Variants in PCDH15 observed in about 807,000 individuals in gnomAD.
The protein encoded by PCDH15 is protocadherin related 15.
Under a neutral mutation model 178.5 loss-of-function variants are expected in PCDH15, and 129 were observed. The observed-to-expected ratio is 0.72, with a 90% CI of 0.63 to 0.84. The LOEUF (loss-of-function observed/expected upper bound fraction) is 0.84, where lower values mean the gene tolerates loss of function less well. PCDH15 is among the 40% of genes least tolerant of loss of function. The probability of loss-of-function intolerance (pLI) is 0.00; values close to 1 mark genes in which losing one functional copy is unlikely to be tolerated. For synonymous variants in PCDH15, 800 were observed against 732.0 expected, an observed-to-expected ratio of 1.09 and a Z score of -1.50; for missense variants, 2,230 against 2,099.9, an observed-to-expected ratio of 1.06 and a Z score of -1.21.
At chr10:55,103,260 TTC>T (rs1440307856) in intron 2 of PCDH15, among the ~76,000 whole-genome samples, 1 of 152,130 alleles carries the variant, frequency 6.6e-6, no homozygotes, top group Non-Finnish European at 1.5e-5. Flanking sequence ...ATTGGAACAC[TTC>T]TGCCATTGTC....
At chr10:54,921,811 T>C (rs1273999059) in intron 2 of PCDH15, among the ~76,000 whole-genome samples, 1 of 152,182 alleles carries the variant, frequency 6.6e-6, no homozygotes, top group Non-Finnish European at 1.5e-5. Flanking sequence ...TTTTAGTTGA[T>C]GCAAAGTTCC....
chr10:54,353,908 TA>T (rs1406530809), intron 5 of PCDH15, among the ~76,000 whole-genome samples: 1 of 152,214 alleles, frequency 6.6e-6, no homozygotes, highest in Non-Finnish European at 1.5e-5. Flanking sequence ...GAATGATAAA[TA>T]ACTCTATCTT....
At chr10:54,700,141 T>G (rs1469230885) in intron 1 of PCDH15, among the ~76,000 whole-genome samples, 1 of 151,960 alleles carries the variant, frequency 6.6e-6, no homozygotes, top group East Asian at 1.9e-4. Flanking sequence ...AGAGACAAAG[T>G]CAATCGACTG....
intron 2 of PCDH15, among the ~76,000 whole-genome samples, chr10:55,538,095 A>G (rs1841624618): frequency 6.6e-6 from 1 of 152,204 alleles, no homozygotes; most frequent in Non-Finnish European, 1.5e-5. Flanking sequence ...CGTTTGCTCT[A>G]AAGAGCTGCA....
chr10:55,002,871 T>A (rs1301909287), intron 2 of PCDH15, among the ~76,000 whole-genome samples: 1 of 152,220 alleles, frequency 6.6e-6, no homozygotes, highest in South Asian at 2.1e-4. Context: ...TGTGTCAGAA[T>A]AACAGGGTTT....
rs573237855 is a variant in PCDH15, at chr10:55,052,004, T to C, written c.-80+114572A>G. 1.8e-3 allele frequency among the ~76,000 whole-genome samples: 273 copies of C among 151,998 alleles called. 1 individual carries two copies. The highest frequency in any genetic ancestry group is 2.7e-3 in the Non-Finnish European group (183 of 67,954). On this transcript the variant is annotated intron_variant, in intron 2 of 5. Coordinates refer to the PCDH15 transcript ENST00000458638. ...AATGAAAAAATAAATGTGAGGATACTGTAAAAGATAAGAATTTGTAAAAAA... is the reference window on the plus strand; with the variant it reads ...AATGAAAAAATAAATGTGAGGATACCGTAAAAGATAAGAATTTGTAAAAAA...
chr10:53,897,167 GC>G (rs1168167738), intron 26 of PCDH15, among the ~76,000 whole-genome samples: 1 of 143,498 alleles, frequency 7.0e-6, no homozygotes, highest in Non-Finnish European at 1.5e-5. Context: ...TTGTGGGGAG[GC>G]TTTTTCAACA....
intron 3 of PCDH15, among the ~76,000 whole-genome samples, chr10:54,426,163 T>G (rs546742355): frequency 6.6e-6 from 1 of 152,292 alleles, no homozygotes; most frequent in South Asian, 2.1e-4. Context: ...TTAAGTAAGA[T>G]TCTGTCTCTT....
At chr10:54,009,520 A>G (rs1299961655) in intron 20 of PCDH15, among the ~76,000 whole-genome samples, 3 of 152,198 alleles carry the variant, frequency 2.0e-5, no homozygotes, top group Non-Finnish European at 2.9e-5. Flanking sequence ...GGGGGCCAAG[A>G]GAACTAACTA....
intron 5 of PCDH15, among the ~76,000 whole-genome samples, chr10:54,359,156 A>G (rs937042783): frequency 6.6e-6 from 1 of 152,124 alleles, no homozygotes; most frequent in African/African-American, 2.4e-5. Flanking sequence ...AACTTAAAGT[A>G]TAATAAAAAC....
intron 3 of PCDH15, among the ~76,000 whole-genome samples, chr10:54,514,287 ATATAAT>A (rs1052600745): frequency 2.0e-5 from 3 of 152,160 alleles, no homozygotes; most frequent in African/African-American, 7.2e-5. Context: ...GAAAACATAT[ATATAAT>A]TATAATAATG....
intron 2 of PCDH15, among the ~76,000 whole-genome samples, chr10:55,085,269 AC>A (rs1842139930): frequency 6.6e-6 from 1 of 151,958 alleles, no homozygotes; most frequent in Non-Finnish European, 1.5e-5. Context: ...AGAAAGACAA[AC>A]TTTGCATGCT....
intron 2 of PCDH15, among the ~76,000 whole-genome samples, chr10:55,155,653 C>T (rs1838864019): frequency 6.6e-6 from 1 of 151,998 alleles, no homozygotes; most frequent in Non-Finnish European, 1.5e-5. Context: ...TTTTTAACAA[C>T]CATCCTTTGA....
chr10:55,058,894 T>A (rs1281416176), intron 2 of PCDH15, among the ~76,000 whole-genome samples: 2 of 152,204 alleles, frequency 1.3e-5, no homozygotes, highest in African/African-American at 4.8e-5. Context: ...TAAATTTTGA[T>A]AAATGTTTGA....
intron 25 of PCDH15, among the ~76,000 whole-genome samples, chr10:53,918,713 AACACACACACACACAC>A (rs5741702): frequency 0.01 from 1,530 of 147,066 alleles, 22 homozygotes; most frequent in African/African-American, 0.033. Context: ...CAAATACACA[AACACACACACACACAC>A]ACACACACAC....
chr10:54,047,672 C>T (rs182915260), intron 18 of PCDH15, among the ~76,000 whole-genome samples: 8 of 151,942 alleles, frequency 5.3e-5, no homozygotes, highest in East Asian at 1.9e-4. Flanking sequence ...AGGTGGTATT[C>T]GGTTTTCTGT....
intron 2 of PCDH15, among the ~76,000 whole-genome samples, chr10:55,444,221 C>T (rs1839264236): frequency 6.6e-6 from 1 of 150,574 alleles, no homozygotes; most frequent in East Asian, 2.0e-4. Flanking sequence ...CACCATGGCA[C>T]GTGTATACCT....
chr10:55,097,959 CAGACA>C, intron 2 of PCDH15, among the ~76,000 whole-genome samples: 1 of 151,840 alleles, frequency 6.6e-6, no homozygotes, highest in Non-Finnish European at 1.5e-5. Context: ...CCCTTAGAAG[CAGACA>C]AGATAATGAA....
Position 55,368,559 on chromosome 10 carries a change from T to C in PCDH15, c.-155-201908A>G, listed in dbSNP as rs568202936. On this transcript the variant is annotated intron_variant, in intron 2 of 5. Coordinates refer to the PCDH15 transcript ENST00000613346. The stretch of plus-strand genomic sequence containing the variant: ...TCTTAGAGTCACTGAAATGTGTCTA[T>C]GTCTGTTAAAGTACACAGTCTGAAA... Among the ~76,000 whole-genome samples the C allele has an allele frequency of 5.9e-5, 9 of 152,272 alleles. No individual in the cohort carries two copies. The South Asian group carries it at 1.9e-3, about 32-fold the overall frequency.
Sources: gnomAD v4.1 joint callset for allele counts (sites outside exome capture counted in the v4.1 genomes callset) on GRCh38, gnomAD v4.1.1 for gene constraint, MANE v1.5 for transcripts, NCBI Gene and HGNC (gene_info 2026-07-23, HGNC 2026-07-21) for gene names.